Variants in CLDN14 observed in about 807,000 individuals in gnomAD.
CLDN14 encodes claudin-14.
In CLDN14, 2 loss-of-function variants were observed where a neutral mutation model predicts 2.1. The ratio of observed to expected loss-of-function variants is 0.96; its 90% CI spans 0.39 to 3.01. CLDN14 has a LOEUF of 3.01. Among genes scored for constraint, CLDN14 ranks in the 30% most tolerant of loss-of-function variants. The pLI, the probability that CLDN14 is intolerant of heterozygous loss-of-function variation, is 0.09. For missense variants in CLDN14, 298 were observed against 328.0 expected (o/e 0.91, Z 0.71); for synonymous variants, 136 against 154.4 (o/e 0.88, Z 0.88).
chr21:36,537,650 T>C (rs2087436571), intron 1 of CLDN14, among the ~76,000 whole-genome samples: 1 of 112,658 alleles, frequency 8.9e-6, no homozygotes, highest in Admixed American at 8.9e-5. Context: ...GTTTTTCTTT[T>C]CTTTTCTTTT....
intron 2 of CLDN14, among the ~76,000 whole-genome samples, chr21:36,495,438 G>T (rs927425136): frequency 6.6e-6 from 1 of 152,196 alleles, no homozygotes; most frequent in Non-Finnish European, 1.5e-5. Context: ...TCCATTATGG[G>T]GTGGGATGAA....
chr21:36,470,253 T>C (rs1287810509), intron 1 of CLDN14, among the ~76,000 whole-genome samples: 1 of 152,124 alleles, frequency 6.6e-6, no homozygotes, highest in African/African-American at 2.4e-5. Context: ...TATTTGGAAA[T>C]AGGGTCATTG....
intron 1 of CLDN14, among the ~76,000 whole-genome samples, chr21:36,471,378 T>C (rs1288072051): frequency 6.6e-6 from 1 of 152,202 alleles, no homozygotes; most frequent in African/African-American, 2.4e-5. Flanking sequence ...AAGTAAGCCA[T>C]ATAGTAATCA....
At chr21:36,490,949 G>GACACACACACAC (rs3030068) in intron 2 of CLDN14, among the ~76,000 whole-genome samples, 8 of 148,756 alleles carry the variant, frequency 5.4e-5, no homozygotes, top group African/African-American at 2.0e-4. Context: ...CAAGTGCACA[G>GACACACACACAC]ACACACACAC....
chr21:36,512,982 G>A (rs2087197540), intron 1 of CLDN14, among the ~76,000 whole-genome samples: 1 of 152,212 alleles, frequency 6.6e-6, no homozygotes, highest in Admixed American at 6.5e-5. Context: ...TAACCCTAAA[G>A]GTAAAAATGG....
chr21:36,550,327 A>C (rs1018313525), intron 1 of CLDN14, among the ~76,000 whole-genome samples: 1 of 152,132 alleles, frequency 6.6e-6, no homozygotes, highest in Non-Finnish European at 1.5e-5. Flanking sequence ...AGGCTTGGCC[A>C]TTGTCACCAT....
At position 36,499,853 on chromosome 21, in the gene CLDN14, G is replaced by A. The variant is rs982428928; in HGVS notation, c.-82+10510C>T. ...AGGGCTGCTGTCATCTCCTGATGACGAGCAACATTTTCACAACATCAGGGG... is the reference window on the plus strand; with the variant it reads ...AGGGCTGCTGTCATCTCCTGATGACAAGCAACATTTTCACAACATCAGGGG... On this transcript the variant is annotated intron_variant, in intron 2 of 2. Transcript: ENST00000342108. The surrounding 1 kb of genome is among the most constrained non-coding windows in gnomAD (Gnocchi z 4.7). 3.4e-4 allele frequency among the ~76,000 whole-genome samples: 52 copies of A among 152,106 alleles called. No homozygotes were observed. The highest frequency in any genetic ancestry group is 5.3e-4 in the Non-Finnish European group (36 of 68,024).
At chr21:36,549,194 T>A (rs902139329) in intron 1 of CLDN14, among the ~76,000 whole-genome samples, 1 of 151,486 alleles carries the variant, frequency 6.6e-6, no homozygotes, top group South Asian at 2.1e-4. Flanking sequence ...TCTGTCAGCA[T>A]GAGCAGAAAT....
At chr21:36,537,684 C>CT (rs2087437871) in intron 1 of CLDN14, among the ~76,000 whole-genome samples, 1 of 148,546 alleles carries the variant, frequency 6.7e-6, no homozygotes. Context: ...GAGTCTCGCT[C>CT]TGTCACCCAG....
intron 2 of CLDN14, among the ~76,000 whole-genome samples, chr21:36,490,576 A>G (rs562222581): frequency 6.6e-6 from 1 of 151,030 alleles, no homozygotes; most frequent in South Asian, 2.1e-4. Flanking sequence ...TCTAGTAGAG[A>G]TGGGGTTTAA....
chr21:36,547,744 C>A (rs924847529), intron 1 of CLDN14, among the ~76,000 whole-genome samples: 6 of 152,180 alleles, frequency 3.9e-5, no homozygotes, highest in African/African-American at 1.4e-4. Flanking sequence ...TGCAGCCTGG[C>A]CGGAGCTGGC....
At chr21:36,467,837 G>A (rs994539557) in intron 1 of CLDN14, among the ~76,000 whole-genome samples, 5 of 152,122 alleles carry the variant, frequency 3.3e-5, no homozygotes, top group African/African-American at 1.2e-4. Flanking sequence ...ACCCACCTTG[G>A]TGAAAGAAAT....
intron 1 of CLDN14, among the ~76,000 whole-genome samples, chr21:36,511,720 A>G (rs1394840620): frequency 6.6e-6 from 1 of 152,104 alleles, no homozygotes; most frequent in Non-Finnish European, 1.5e-5. Flanking sequence ...CAGATGTACA[A>G]GAAGCCACAC....
intron 1 of CLDN14, among the ~76,000 whole-genome samples, chr21:36,517,487 C>T (rs1350463860): frequency 6.6e-6 from 1 of 152,206 alleles, no homozygotes; most frequent in African/African-American, 2.4e-5. Context: ...AACATTACTG[C>T]AGAGTTAGAC....
Position 36,470,817 on chromosome 21 carries a change from T to TA in CLDN14, c.-82+8677dup, listed in dbSNP as rs200002130. On this transcript the variant is annotated intron_variant, in intron 1 of 1. Coordinates refer to ENST00000399135, the MANE Select transcript of CLDN14 (RefSeq NM_001146079.2). ...GGTGAAACCCTATTTCCACTAAAAA[T>TA]AAAAAAAAATTAGCTGGGCATGGTG... Among the ~76,000 whole-genome samples the TA allele has an allele frequency of 4.6e-3, 689 of 150,968 alleles. 2 individuals carry two copies. Among genetic ancestry groups the TA allele is most frequent in the African/African-American group, 0.014 (571 of 41,136 alleles).
chr21:36,551,514 T>TA lies in CLDN14; in HGVS notation c.-220+24896dup, dbSNP rs1440077322. On this transcript the variant is annotated intron_variant, in intron 1 of 2. Transcript: ENST00000342108. This position sits in a 1 kb window ranked among gnomAD's most constrained non-coding sequence, Gnocchi z 4.8. ...CAGGGTGGCTGGCACAGGGTAGGGGTACCACAAATAACTGTTGGAGTGTAG... is the reference window on the plus strand; with the variant it reads ...CAGGGTGGCTGGCACAGGGTAGGGGTAACCACAAATAACTGTTGGAGTGTAG... Among the ~76,000 whole-genome samples, 1 of 152,130 alleles carries TA rather than the reference T, an allele frequency of 6.6e-6. No individual in the cohort carries two copies. Among genetic ancestry groups the TA allele is most frequent in the Non-Finnish European group, 1.5e-5 (1 of 68,026 alleles).
At chr21:36,565,381 CA>C (rs1490085449) in intron 1 of CLDN14, among the ~76,000 whole-genome samples, 1 of 151,868 alleles carries the variant, frequency 6.6e-6, no homozygotes, top group African/African-American at 2.4e-5. Context: ...ACCAACCCTG[CA>C]ATTGTATTGC....
Position 36,498,601 on chromosome 21 carries a change from C to T in CLDN14, c.-82+11762G>A, listed in dbSNP as rs768334555. On this transcript the variant is annotated intron_variant, in intron 2 of 2. Coordinates refer to the CLDN14 transcript ENST00000342108. The surrounding 1 kb of genome is among the most constrained non-coding windows in gnomAD (Gnocchi z 4.9). ...TCTATAAACTGAGCACTGTTGCAGGCGATGGGGACGTGGAACTGGTAGGAC... is the reference window on the plus strand; with the variant it reads ...TCTATAAACTGAGCACTGTTGCAGGTGATGGGGACGTGGAACTGGTAGGAC... 2.6e-5 allele frequency among the ~76,000 whole-genome samples: 4 copies of T among 152,248 alleles called. No homozygotes were observed. Among genetic ancestry groups the T allele is most frequent in the African/African-American group, 4.8e-5 (2 of 41,542 alleles).
intron 1 of CLDN14, among the ~76,000 whole-genome samples, chr21:36,520,212 A>G (rs1382273627): frequency 6.6e-6 from 1 of 152,154 alleles, no homozygotes; most frequent in African/African-American, 2.4e-5. Flanking sequence ...CTGTGTGTCC[A>G]AATTTCCCTC....
Sources: gnomAD v4.1 joint callset for allele counts (sites outside exome capture counted in the v4.1 genomes callset) on GRCh38, gnomAD v4.1.1 for gene constraint, Gnocchi (gnomAD v3.1) non-coding constraint, MANE v1.5 for transcripts, NCBI Gene and HGNC (gene_info 2026-07-23, HGNC 2026-07-21) for gene names.